The following ATP11C variants were observed in gnomAD, a reference collection of about 807,000 sequenced individuals.
ATP11C encodes the protein ATPase phospholipid transporting 11C (ATP11C blood group).
Under a neutral mutation model 97.4 loss-of-function variants are expected in ATP11C, and 36 were observed. The ratio of observed to expected loss-of-function variants is 0.37; its 90% CI spans 0.28 to 0.49. ATP11C has a LOEUF of 0.49. Among genes scored for constraint, ATP11C ranks in the 20% least tolerant of loss-of-function variants. The pLI, the probability that ATP11C is intolerant of heterozygous loss-of-function variation, is 0.98. For missense variants in ATP11C, 730 were observed against 824.6 expected (o/e 0.89, Z 1.40); for synonymous variants, 275 against 290.9 (o/e 0.95, Z 0.56).
chrX:139,898,383 G>A (rs1266864454), intron 1 of ATP11C, among the ~76,000 whole-genome samples: 1 of 111,807 alleles, frequency 8.9e-6, no homozygotes, highest in Admixed American at 9.5e-5. Flanking sequence ...CAGTAGTGAA[G>A]CACAAACATA....
At chrX:139,736,425 T>C (rs971795671) in intron 28 of ATP11C, among the ~76,000 whole-genome samples, 4 of 111,813 alleles carry the variant, frequency 3.6e-5, no homozygotes, top group African/African-American at 1.3e-4. Context: ...ACATTTAGGA[T>C]CATTCCAAAG....
At chrX:139,790,483 C>T (rs2082669121) in intron 12 of ATP11C, among the ~76,000 whole-genome samples, 1 of 110,962 alleles carries the variant, frequency 9.0e-6, no homozygotes, top group African/African-American at 3.3e-5. Flanking sequence ...CACACACACA[C>T]ACACACACAC....
chrX:139,857,418 C>T (rs1017974474), intron 1 of ATP11C, among the ~76,000 whole-genome samples: 35 of 111,602 alleles, frequency 3.1e-4, no homozygotes, highest in South Asian at 7.6e-4. Context: ...TTAACTTCCT[C>T]GTAAAGAATC....
At position 139,927,498 on chromosome X, in the gene ATP11C, G is replaced by C. The variant is rs1279133625; in HGVS notation, c.27+4518C>G. Among the ~76,000 whole-genome samples the C allele has an allele frequency of 9.0e-5, 10 of 111,254 alleles. No individual in the cohort carries two copies. The Admixed American group carries it at 9.6e-4, about 11-fold the overall frequency. On this transcript the variant is annotated intron_variant, in intron 1 of 29. Transcript: ENST00000682941. The stretch of plus-strand genomic sequence containing the variant: ...AGGCGCCTGTAATCCCAGCTACTAG[G>C]GGGGCTGAGGCAGGAGAATCGCTTG...
chrX:139,899,550 G>A (rs7891955), intron 1 of ATP11C, among the ~76,000 whole-genome samples: 1,187 of 109,781 alleles, frequency 0.011, 17 homozygotes, highest in African/African-American at 0.038. Flanking sequence ...AAGAAAAACC[G>A]AGAAAATCTA....
Position 139,814,244 on chromosome X carries a change from C to CA in ATP11C, c.426+633dup, listed in dbSNP as rs1358800038. On this transcript the variant is annotated intron_variant, in intron 5 of 29. Coordinates refer to ENST00000682941, the MANE Select transcript of ATP11C (RefSeq NM_001353812.2). ...GGAATAAACAATTGCCTGAGATTGT[C>CA]AAAAAAAAAAATACTACTACCTTGG... 5.7e-3 allele frequency among the ~76,000 whole-genome samples: 585 copies of CA among 102,643 alleles called. 6 individuals are homozygous for CA. The highest frequency in any genetic ancestry group is 0.017 in the African/African-American group (495 of 28,445). The allele number at this position is 102,643 out of a possible 115,157, so 89.1% of individuals were successfully genotyped here. A position where few individuals can be genotyped will look rare whatever the true frequency, so the allele number is the denominator to read the frequency against.
rs1297958830 is a variant in ATP11C at position 139,782,726 on chromosome X, A to G, written c.1773T>C (p.Asp591=). 7 of 1,162,986 alleles carry G rather than the reference A, an allele frequency of 6.0e-6. No homozygotes were observed. Among genetic ancestry groups the G allele is most frequent in the Non-Finnish European group, 8.1e-6 (7 of 864,740 alleles). The change falls in exon 18 of 30, where the codon GAT becomes GAC. Residue 591 remains aspartate, a splice_region_variant and synonymous_variant. Coordinates refer to ENST00000682941, the MANE Select transcript of ATP11C (RefSeq NM_001353812.2). Reference sequence around the variant, plus strand: ...AGGCTACACAGAGTGTCCGATACCCATCCTAGGAGTAAAGTAGGAGATCTG... The same window carrying G: ...AGGCTACACAGAGTGTCCGATACCCGTCCTAGGAGTAAAGTAGGAGATCTG... The part of the protein sequence containing the change: ...TKVHVERNAM[D]GYRTLCVAFK...
At chrX:139,844,151 A>G (rs985490654) in intron 1 of ATP11C, among the ~76,000 whole-genome samples, 3 of 112,336 alleles carry the variant, frequency 2.7e-5, no homozygotes, top group East Asian at 5.5e-4. Context: ...CGCTAACTAG[A>G]TAACACTTCT....
intron 18 of ATP11C, among the ~76,000 whole-genome samples, chrX:139,777,243 C>A (rs1454903116): frequency 4.5e-5 from 5 of 109,991 alleles, no homozygotes; most frequent in African/African-American, 1.7e-4. Flanking sequence ...GGCAACTCAA[C>A]GAGATCCAAG....
intron 1 of ATP11C, among the ~76,000 whole-genome samples, chrX:139,914,057 T>C (rs898717091): frequency 9.0e-6 from 1 of 111,415 alleles, no homozygotes; most frequent in Admixed American, 9.6e-5. Flanking sequence ...CCTAAACACA[T>C]AGTACAGAAT....
At chrX:139,751,676 T>C (rs73579535) in intron 23 of ATP11C, among the ~76,000 whole-genome samples, 2,881 of 111,243 alleles carry the variant, frequency 0.026, 103 homozygotes, top group African/African-American at 0.088. Context: ...TGACAGATAA[T>C]TGTAATTCTT....
At chrX:139,861,432 C>G (rs2084194236) in intron 1 of ATP11C, among the ~76,000 whole-genome samples, 1 of 111,562 alleles carries the variant, frequency 9.0e-6, no homozygotes, top group African/African-American at 3.3e-5. Flanking sequence ...AGCATGCTGA[C>G]AAGTGGAGAT....
At chrX:139,873,021 A>G (rs12688014) in intron 1 of ATP11C, among the ~76,000 whole-genome samples, 5,647 of 112,303 alleles carry the variant, frequency 0.05, 241 homozygotes, top group East Asian at 0.29. Flanking sequence ...ATAGTGGAGC[A>G]GACTTCAAGT....
intron 26 of ATP11C, among the ~76,000 whole-genome samples, chrX:139,742,875 A>AT (rs2081592288): frequency 6.5e-4 from 17 of 25,972 alleles, no homozygotes; most frequent in African/African-American, 2.4e-3. Flanking sequence ...AAAAAAAAAA[A>AT]AATATATATA....
At chrX:139,783,867 TA>T (rs60998113) in intron 16 of ATP11C, among the ~76,000 whole-genome samples, 92 of 101,300 alleles carry the variant, frequency 9.1e-4, no homozygotes, top group Non-Finnish European at 7.8e-4. Context: ...TACCGTGTCT[TA>T]AAAAAAAAAA....
chrX:139,904,784 T>G (rs1234645967), intron 1 of ATP11C, among the ~76,000 whole-genome samples: 1 of 110,950 alleles, frequency 9.0e-6, no homozygotes, highest in African/African-American at 3.3e-5. Context: ...GCATTCCATA[T>G]AGTGGGAAGA....
intron 1 of ATP11C, among the ~76,000 whole-genome samples, chrX:139,877,403 C>T (rs192637986): frequency 1.4e-4 from 16 of 111,723 alleles, no homozygotes; most frequent in African/African-American, 4.9e-4. Context: ...AAGACAGTAG[C>T]CGTAAGCTAA....
At chrX:139,811,372 C>G (rs971842146) in intron 5 of ATP11C, among the ~76,000 whole-genome samples, 1 of 111,112 alleles carries the variant, frequency 9.0e-6, no homozygotes, top group African/African-American at 3.3e-5. Context: ...AACTGTATGT[C>G]TAATAGGTTT....
Position 139,763,336 on chromosome X carries a change from A to G in ATP11C, c.2474T>C (p.Leu825Ser), listed in dbSNP as rs1269425951. 8.3e-7 allele frequency: 1 copy of G among 1,209,154 alleles called. No individual in the cohort carries two copies. Residue 825 changes from leucine to serine, a missense_variant, in exon 21 of 30, where the codon TTG becomes TCG. Leu to Ser is a moderately radical substitution (Grantham distance 145). Coordinates refer to ENST00000682941, the MANE Select transcript of ATP11C (RefSeq NM_001353812.2). ...GDGANDVSMI[L>S]ESHVGIGIKG... ...CTTACCTATTCCCACATGGGATTCC[A>G]AGATCATACTAACATCATTGGCACC...
Sources: gnomAD v4.1 joint callset for allele counts (sites outside exome capture counted in the v4.1 genomes callset) on GRCh38, gnomAD v4.1.1 for gene constraint, MANE v1.5 for transcripts, NCBI Gene and HGNC (gene_info 2026-07-23, HGNC 2026-07-21) for gene names.